Variants in ZNF804B observed in about 807,000 individuals in gnomAD.
ZNF804B encodes the protein zinc finger 804B.
In ZNF804B, 80 loss-of-function variants were observed where a neutral mutation model predicts 101.4. That is an observed-to-expected ratio of 0.79 (90% confidence interval 0.66 to 0.95). The LOEUF is 0.95. ZNF804B is among the 40% of genes least tolerant of loss of function. The pLI, the probability that ZNF804B is intolerant of heterozygous loss-of-function variation, is 0.00. For synonymous variants in ZNF804B, 622 were observed against 558.8 expected (o/e 1.11, Z -1.59); for missense variants, 1,673 against 1,561.9 (o/e 1.07, Z -1.20).
chr7:89,074,313 C>T (rs779630425), intron 1 of ZNF804B, among the ~76,000 whole-genome samples: 14 of 152,196 alleles, frequency 9.2e-5, no homozygotes, highest in Non-Finnish European at 1.8e-4. Context: ...GCTGTGCCTC[C>T]ACCCAAATCT....
At chr7:88,883,028 C>G (rs1792066653) in intron 1 of ZNF804B, among the ~76,000 whole-genome samples, 1 of 151,916 alleles carries the variant, frequency 6.6e-6, no homozygotes, top group South Asian at 2.1e-4. Context: ...TAAAAAATGT[C>G]TTCCAAATAA....
At chr7:88,966,445 A>T (rs1304796721) in intron 1 of ZNF804B, among the ~76,000 whole-genome samples, 2 of 151,662 alleles carry the variant, frequency 1.3e-5, no homozygotes, top group Non-Finnish European at 1.5e-5. Context: ...GTTTGAACTG[A>T]TGCCAAGTAT....
chr7:88,999,264 C>A (rs1293554859), intron 1 of ZNF804B, among the ~76,000 whole-genome samples: 1 of 151,944 alleles, frequency 6.6e-6, no homozygotes, highest in Non-Finnish European at 1.5e-5. Context: ...ATAAAAAGTA[C>A]ATTTTATAAT....
intron 1 of ZNF804B, among the ~76,000 whole-genome samples, chr7:88,968,904 CAT>C (rs1170171968): frequency 1.3e-5 from 2 of 151,520 alleles, no homozygotes; most frequent in Admixed American, 6.6e-5. Flanking sequence ...ATCTTTTCTA[CAT>C]ATATGTTTAT....
At chr7:89,043,901 C>G (rs77970830) in intron 1 of ZNF804B, among the ~76,000 whole-genome samples, 8,818 of 151,924 alleles carry the variant, frequency 0.058, 377 homozygotes, top group East Asian at 0.084. Flanking sequence ...ATATCAGGAG[C>G]TAAAGTAAGT....
intron 1 of ZNF804B, among the ~76,000 whole-genome samples, chr7:88,892,464 T>A (rs896778482): frequency 6.6e-6 from 1 of 152,126 alleles, no homozygotes; most frequent in Non-Finnish European, 1.5e-5. Context: ...CTGGCTTCCA[T>A]TATTCTTGAA....
intron 2 of ZNF804B, among the ~76,000 whole-genome samples, chr7:89,253,923 G>A (rs933559530): frequency 2.0e-5 from 3 of 151,966 alleles, no homozygotes; most frequent in Non-Finnish European, 4.4e-5. Flanking sequence ...TTAGATGGAG[G>A]GGAAAAATTA....
chr7:89,176,648 G>GCCT (rs1346240562), intron 1 of ZNF804B, among the ~76,000 whole-genome samples: 42 of 120,576 alleles, frequency 3.5e-4, no homozygotes, highest in Non-Finnish European at 5.5e-4. Flanking sequence ...GGTAATACTA[G>GCCT]CCTCACTGAA....
chr7:88,815,746 G>A (rs1166225150), intron 1 of ZNF804B, among the ~76,000 whole-genome samples: 4 of 151,980 alleles, frequency 2.6e-5, no homozygotes, highest in African/African-American at 9.7e-5. Flanking sequence ...TTCCTCTTTT[G>A]CATATGTGTA....
At chr7:88,921,178 G>A (rs10248254) in intron 1 of ZNF804B, among the ~76,000 whole-genome samples, 10,164 of 152,108 alleles carry the variant, frequency 0.067, 481 homozygotes, top group South Asian at 0.17. Flanking sequence ...AATAGGACTT[G>A]AGACTGGTAG....
At chr7:89,196,097 T>C (rs1788547644) in intron 1 of ZNF804B, among the ~76,000 whole-genome samples, 1 of 151,884 alleles carries the variant, frequency 6.6e-6, no homozygotes, top group Admixed American at 6.6e-5. Context: ...GAATAGCCAA[T>C]ACAATCCTAA....
rs540127021 is a variant in ZNF804B at position 89,215,277 on chromosome 7, T to G, written c.109-2878T>G. On this transcript the variant is annotated intron_variant, in intron 1 of 3. Transcript: ENST00000333190. Reference sequence around the variant, plus strand: ...AGATGGTATTAAACTTAAATTTTGGTGAAGCTGTCTTAAAATTGTAAAATT... The same window carrying G: ...AGATGGTATTAAACTTAAATTTTGGGGAAGCTGTCTTAAAATTGTAAAATT... Among the ~76,000 whole-genome samples, 4 of 152,278 alleles carry G rather than the reference T, an allele frequency of 2.6e-5. No homozygotes were observed. In the East Asian group the frequency reaches 7.7e-4, roughly 29 times the overall value.
At chr7:89,277,323 T>C (rs28456976) in intron 2 of ZNF804B, among the ~76,000 whole-genome samples, 3 of 150,034 alleles carry the variant, frequency 2.0e-5, no homozygotes, top group Non-Finnish European at 4.5e-5. Flanking sequence ...TTTTTCTTTT[T>C]TTTTTCTTTT....
At chr7:89,263,735 G>A (rs1789743199) in intron 2 of ZNF804B, among the ~76,000 whole-genome samples, 1 of 152,092 alleles carries the variant, frequency 6.6e-6, no homozygotes, top group Non-Finnish European at 1.5e-5. Flanking sequence ...AGAAGATCAT[G>A]TAAAGATAGA....
At chr7:88,857,665 G>C (rs1320662819) in intron 1 of ZNF804B, among the ~76,000 whole-genome samples, 1 of 151,950 alleles carries the variant, frequency 6.6e-6, no homozygotes, top group African/African-American at 2.4e-5. Context: ...TGGATTCACA[G>C]CCTCATTCTA....
chr7:89,011,772 G>A (rs542806993), intron 1 of ZNF804B, among the ~76,000 whole-genome samples: 3 of 152,044 alleles, frequency 2.0e-5, no homozygotes, highest in Non-Finnish European at 1.5e-5. Context: ...AGCCCCCCTC[G>A]CAGCTTTTAT....
chr7:88,848,102 C>G (rs1209914058), intron 1 of ZNF804B, among the ~76,000 whole-genome samples: 1 of 152,102 alleles, frequency 6.6e-6, no homozygotes, highest in Non-Finnish European at 1.5e-5. Flanking sequence ...GAGTGGGGAA[C>G]AGTACTACAG....
At chr7:88,841,782 A>T (rs1202437050) in intron 1 of ZNF804B, among the ~76,000 whole-genome samples, 1 of 152,180 alleles carries the variant, frequency 6.6e-6, no homozygotes, top group Admixed American at 6.5e-5. Context: ...CCAGGGATTC[A>T]TAATAAACAT....
At chr7:89,210,269 A>G (rs1203541171) in intron 1 of ZNF804B, among the ~76,000 whole-genome samples, 1 of 151,780 alleles carries the variant, frequency 6.6e-6, no homozygotes, top group African/African-American at 2.4e-5. Context: ...AGGTAAAAGT[A>G]AAAAAAACAG....
Sources: allele counts gnomAD v4.1 joint callset (sites outside exome capture counted in the v4.1 genomes callset), GRCh38; gene constraint gnomAD v4.1.1; transcripts MANE v1.5; gene names NCBI Gene and HGNC (gene_info 2026-07-23, HGNC 2026-07-21).